The following KSR2 variants were observed in gnomAD, a reference collection of about 807,000 sequenced individuals.
KSR2 encodes the protein kinase suppressor of ras 2.
In KSR2, 25 loss-of-function variants were observed where a neutral mutation model predicts 107.8. That is an observed-to-expected ratio of 0.23 (90% CI 0.17 to 0.32). The LOEUF is 0.32. Ranked by LOEUF, KSR2 falls within the 10% of genes least tolerant of loss-of-function variation. The pLI is 1.00. For synonymous variants in KSR2, 480 were observed against 507.0 expected (o/e 0.95, Z 0.71); for missense variants, 887 against 1,268.9 (o/e 0.70, Z 4.57).
intron 1 of KSR2, among the ~76,000 whole-genome samples, chr12:117,911,561 C>T (rs1362890944): frequency 2.0e-5 from 3 of 152,204 alleles, no homozygotes; most frequent in Non-Finnish European, 4.4e-5. Flanking sequence ...CTAATACATT[C>T]TGCAAATAAA....
chr12:117,674,600 C>T (rs1885048874), intron 4 of KSR2, among the ~76,000 whole-genome samples: 1 of 152,156 alleles, frequency 6.6e-6, no homozygotes, highest in Non-Finnish European at 1.5e-5. Flanking sequence ...TGGAATCCTA[C>T]AAGATGTGGC....
chr12:117,823,434 A>T (rs927079377), intron 3 of KSR2, among the ~76,000 whole-genome samples: 1 of 152,208 alleles, frequency 6.6e-6, no homozygotes, highest in Non-Finnish European at 1.5e-5. Context: ...AGTTGAGTGC[A>T]TATAGCATTT....
At chr12:117,876,384 C>A (rs989538430) in intron 1 of KSR2, among the ~76,000 whole-genome samples, 2 of 152,222 alleles carry the variant, frequency 1.3e-5, no homozygotes, top group Non-Finnish European at 2.9e-5. Flanking sequence ...ATCCCTGAGG[C>A]CAGGCAGAGG....
intron 3 of KSR2, among the ~76,000 whole-genome samples, chr12:117,845,081 GCGTGCATTGAGCCAAGATAGCACCA>G (rs1393694919): frequency 6.6e-6 from 1 of 152,178 alleles, no homozygotes; most frequent in African/African-American, 2.4e-5. Context: ...GGGAGGCGGA[GCGTGCATTGAGCCAAGATAGCACCA>G]CTGCACTCCA....
chr12:117,900,497 CA>C (rs1894649741), intron 1 of KSR2, among the ~76,000 whole-genome samples: 1 of 152,156 alleles, frequency 6.6e-6, no homozygotes, highest in African/African-American at 2.4e-5. Flanking sequence ...ACAAAATTAA[CA>C]ATAGTGTTGA....
At chr12:117,491,462 G>A (rs1186349189) in intron 14 of KSR2, among the ~76,000 whole-genome samples, 1 of 152,190 alleles carries the variant, frequency 6.6e-6, no homozygotes, top group Non-Finnish European at 1.5e-5. Flanking sequence ...TTACAGGCCT[G>A]AGCCACTGCC....
rs538018917 is a variant in KSR2 at position 117,866,038 on chromosome 12, C to CTTTATT, written c.181-5608_181-5607insAATAAA. Among the ~76,000 whole-genome samples the CTTTATT allele has an allele frequency of 1.5e-3, 190 of 124,228 alleles. 1 individual carries two copies. Among genetic ancestry groups the CTTTATT allele is most frequent in the Middle Eastern group, 4.1e-3 (1 of 244 alleles). The allele number at this position is 124,228 out of a possible 152,430, so 81.5% of individuals were successfully genotyped here. On this transcript the variant is annotated intron_variant, in intron 1 of 19. Coordinates refer to ENST00000339824, the MANE Select transcript of KSR2 (RefSeq NM_173598.6). ...CTCTGTAACACTTGCTAATCTCTCT[C>CTTTATT]TTTTTTTTTTTTTTTTGAAACAAAT...
chr12:117,494,146 C>T (rs936733500), intron 14 of KSR2, among the ~76,000 whole-genome samples: 2 of 152,146 alleles, frequency 1.3e-5, no homozygotes, highest in Admixed American at 6.5e-5. Context: ...CCAGACCTTC[C>T]CTTCCAGTAT....
At chr12:117,645,631 C>T (rs993489843) in intron 5 of KSR2, among the ~76,000 whole-genome samples, 2 of 151,986 alleles carry the variant, frequency 1.3e-5, no homozygotes, top group African/African-American at 4.8e-5. Context: ...ATCTGCCTCC[C>T]CACCCAATGT....
At position 117,896,617 on chromosome 12, in the gene KSR2, G is replaced by A. The variant is rs149976472; in HGVS notation, c.181-36186C>T. 3.1e-3 allele frequency among the ~76,000 whole-genome samples: 465 copies of A among 151,972 alleles called. 9 individuals carry two copies. In the East Asian group the frequency reaches 0.037, roughly 12 times the overall value. On this transcript the variant is annotated intron_variant, in intron 1 of 19. Transcript: ENST00000339824. ...TGGGATTCCAGGCGTGTGCCACCAC[G>A]CCTGGCTAATTTTTGTATTTTTAGT...
intron 7 of KSR2, among the ~76,000 whole-genome samples, chr12:117,564,662 AT>A (rs1222705063): frequency 2.0e-5 from 3 of 152,146 alleles, no homozygotes; most frequent in Admixed American, 2.0e-4. Flanking sequence ...AAATATGTGA[AT>A]TTATCTTGAG....
At chr12:117,742,098 T>A (rs1242417816) in intron 4 of KSR2, among the ~76,000 whole-genome samples, 1 of 152,210 alleles carries the variant, frequency 6.6e-6, no homozygotes, top group Non-Finnish European at 1.5e-5. Context: ...ATAGCATCCC[T>A]GTTAAAACTG....
intron 4 of KSR2, 152 bp from the exon 5 acceptor site, chr12:117,667,810 G>T: frequency 1.6e-6 from 1 of 639,510 alleles, no homozygotes; most frequent in Non-Finnish European, 2.6e-6. Flanking sequence ...AGAGACACAA[G>T]GGCTGGGCAA....
At chr12:117,788,518 T>A (rs375423876) in intron 3 of KSR2, among the ~76,000 whole-genome samples, 1 of 152,216 alleles carries the variant, frequency 6.6e-6, no homozygotes, top group Non-Finnish European at 1.5e-5. Flanking sequence ...CACTTTTTTT[T>A]TGAGACAGAG....
intron 14 of KSR2, among the ~76,000 whole-genome samples, chr12:117,486,291 T>A (rs1429830298): frequency 2.0e-4 from 31 of 152,168 alleles, no homozygotes; most frequent in Admixed American, 1.8e-3. Flanking sequence ...ACCAGTAGTT[T>A]AAGATGAATG....
chr12:117,465,008 T>C lies in KSR2; in HGVS notation c.*2191A>G, dbSNP rs1467511205. 2.0e-5 allele frequency: 3 copies of C among 152,122 alleles called. No individual in the cohort carries two copies. The highest frequency in any genetic ancestry group is 4.4e-5 in the Non-Finnish European group (3 of 68,038). The allele number at this position is 152,122 out of a possible 1,614,324, so 9.4% of individuals were successfully genotyped here. A position where few individuals can be genotyped will look rare whatever the true frequency, so the allele number is the denominator to read the frequency against. The stretch of plus-strand genomic sequence containing the variant: ...TCTTGTGGACATTTCAGCTGCAGGG[T>C]AGTAGACCCTGGCTGCCTCTTCCCT... On this transcript the variant is annotated 3_prime_UTR_variant, in exon 20 of 20. Coordinates refer to ENST00000339824, the MANE Select transcript of KSR2 (RefSeq NM_173598.6).
At chr12:117,938,993 C>CA (rs746717734) in intron 1 of KSR2, among the ~76,000 whole-genome samples, 3,148 of 125,924 alleles carry the variant, frequency 0.025, 101 homozygotes, top group African/African-American at 0.081. Flanking sequence ...CATCTGGGGT[C>CA]AAAAAAAAAA....
chr12:117,848,844 A>ATGGTGGTAACAACAGTGATGGTGG (rs1566048412), intron 3 of KSR2, among the ~76,000 whole-genome samples: 1 of 118,046 alleles, frequency 8.5e-6, no homozygotes, highest in Non-Finnish European at 1.7e-5. Flanking sequence ...AGTGGTGGTG[A>ATGGTGGTAACAACAGTGATGGTGG]TGGTGATGAT....
chr12:117,723,156 C>T (rs772228466), intron 4 of KSR2, among the ~76,000 whole-genome samples: 1 of 152,190 alleles, frequency 6.6e-6, no homozygotes, highest in Non-Finnish European at 1.5e-5. Context: ...AGATCACTCA[C>T]AACCGAAGAA....
Sources: gnomAD v4.1 joint callset for allele counts (sites outside exome capture counted in the v4.1 genomes callset) on GRCh38, gnomAD v4.1.1 for gene constraint, MANE v1.5 for transcripts, NCBI Gene and HGNC (gene_info 2026-07-23, HGNC 2026-07-21) for gene names.